The following SPMIP2 variants were observed in gnomAD, a reference collection of about 807,000 sequenced individuals.
SPMIP2 encodes the protein sperm microtubule inner protein 2.
At chr4:159,034,823 G>A in the SPMIP2 span, among the ~76,000 whole-genome samples, 6 of 152,148 alleles carry the variant, frequency 3.9e-5, no homozygotes, top group South Asian at 4.1e-4. Flanking sequence ...CCCAGGTGGC[G>A]GAGGTTGCAG....
the SPMIP2 span, among the ~76,000 whole-genome samples, chr4:159,023,708 T>C: frequency 3.9e-5 from 6 of 152,186 alleles, no homozygotes; most frequent in African/African-American, 1.2e-4. Context: ...TGGCACACTG[T>C]ATCTCTTTTT....
chr4:159,030,009 G>C, the SPMIP2 span, among the ~76,000 whole-genome samples: 1 of 152,122 alleles, frequency 6.6e-6, no homozygotes, highest in African/African-American at 2.4e-5. Context: ...TTAAGTGGTC[G>C]AGTATACCAG....
the SPMIP2 span, among the ~76,000 whole-genome samples, chr4:159,070,144 A>G: frequency 2.0e-5 from 3 of 152,114 alleles, no homozygotes; most frequent in East Asian, 5.8e-4. Context: ...AACTTGAATT[A>G]CCATTCCCTA....
chr4:158,894,519 T>C, the SPMIP2 span, among the ~76,000 whole-genome samples: 4 of 152,208 alleles, frequency 2.6e-5, no homozygotes, highest in Non-Finnish European at 5.9e-5. Flanking sequence ...ATATTTCATA[T>C]AGACCACAGT....
the SPMIP2 span, among the ~76,000 whole-genome samples, chr4:158,961,772 T>C: frequency 2.0e-5 from 3 of 152,140 alleles, no homozygotes; most frequent in African/African-American, 7.2e-5. Context: ...CAATTTGTTA[T>C]CTAAAATAAG....
the SPMIP2 span, among the ~76,000 whole-genome samples, chr4:158,992,572 G>A: frequency 2.6e-5 from 4 of 152,110 alleles, no homozygotes; most frequent in Non-Finnish European, 5.9e-5. Flanking sequence ...CTTGGTTTGT[G>A]CTGCTATAAC....
chr4:158,917,685 T>A, the SPMIP2 span, among the ~76,000 whole-genome samples: 1 of 151,322 alleles, frequency 6.6e-6, no homozygotes, highest in African/African-American at 2.4e-5. Flanking sequence ...GTTCCTGTCA[T>A]GAAGCAATTT....
chr4:159,021,296 T>G, the SPMIP2 span, among the ~76,000 whole-genome samples: 2 of 152,198 alleles, frequency 1.3e-5, no homozygotes, highest in Admixed American at 1.3e-4. Context: ...TAATGGCCAA[T>G]TGGAGAAAGC....
At chr4:158,979,326 G>A in the SPMIP2 span, among the ~76,000 whole-genome samples, 1 of 152,144 alleles carries the variant, frequency 6.6e-6, no homozygotes, top group Admixed American at 6.5e-5. Context: ...AGACCACTTG[G>A]CTCCCTGGCT....
chr4:159,035,207 A>T, the SPMIP2 span: 5 of 812,554 alleles, frequency 6.2e-6, no homozygotes, highest in Non-Finnish European at 1.0e-5. Flanking sequence ...CCTGCTTGTG[A>T]CCTGCACCAG....
the SPMIP2 span, among the ~76,000 whole-genome samples, chr4:158,953,188 C>G: frequency 6.6e-6 from 1 of 152,228 alleles, no homozygotes; most frequent in African/African-American, 2.4e-5. Context: ...CCTCCCATCA[C>G]AGGCCCAGAG....
At chr4:158,987,178 T>C in the SPMIP2 span, among the ~76,000 whole-genome samples, 6 of 144,750 alleles carry the variant, frequency 4.1e-5, no homozygotes, top group Non-Finnish European at 7.6e-5. Flanking sequence ...TTTTACACTG[T>C]TGGTGGGACT....
chr4:159,029,653 T>C, the SPMIP2 span, among the ~76,000 whole-genome samples: 2 of 152,192 alleles, frequency 1.3e-5, no homozygotes, highest in South Asian at 4.1e-4. Context: ...TTGTGTAGTG[T>C]TATGTGAGGT....
chr4:159,048,216 G>C, the SPMIP2 span, among the ~76,000 whole-genome samples: 4 of 152,302 alleles, frequency 2.6e-5, no homozygotes, highest in Non-Finnish European at 4.4e-5. Flanking sequence ...TGACCGTTTT[G>C]TGTAAGCACA....
the SPMIP2 span, among the ~76,000 whole-genome samples, chr4:158,970,524 A>T: frequency 6.1e-5 from 9 of 147,768 alleles, no homozygotes; most frequent in Non-Finnish European, 1.3e-4. Context: ...TGGGGGACAC[A>T]GTGAGACCTT....
the SPMIP2 span, among the ~76,000 whole-genome samples, chr4:158,928,914 TC>T: frequency 1.3e-5 from 2 of 151,370 alleles, no homozygotes; most frequent in African/African-American, 2.4e-5. Flanking sequence ...GAGACCACGA[TC>T]CCACCGGAAG....
chr4:159,020,218 C>T, the SPMIP2 span, among the ~76,000 whole-genome samples: 1 of 152,184 alleles, frequency 6.6e-6, no homozygotes, highest in South Asian at 2.1e-4. Context: ...TGCAGGTTTT[C>T]CCTTTTCATT....
chr4:159,014,993 T>C, the SPMIP2 span, among the ~76,000 whole-genome samples: 1 of 152,222 alleles, frequency 6.6e-6, no homozygotes, highest in African/African-American at 2.4e-5. Flanking sequence ...CAACTTAATT[T>C]TTTCCATGTG....
chr4:159,005,256 C>T, the SPMIP2 span, among the ~76,000 whole-genome samples: 1 of 149,348 alleles, frequency 6.7e-6, no homozygotes, highest in Non-Finnish European at 1.5e-5. Context: ...CCAGCCTGGC[C>T]AACATGGTGA....
Sources: allele counts gnomAD v4.1 joint callset (sites outside exome capture counted in the v4.1 genomes callset), GRCh38; gene constraint gnomAD v4.1.1; transcripts MANE v1.5; gene names NCBI Gene and HGNC (gene_info 2026-07-23, HGNC 2026-07-21).